The following DYDC2 variants were observed in gnomAD, a reference collection of about 807,000 sequenced individuals.
DYDC2 encodes the protein DPY30 domain containing 2.
A neutral mutation model predicts 18.7 loss-of-function variants in DYDC2; 19 were observed. The ratio of observed to expected loss-of-function variants is 1.02; its 90% confidence interval spans 0.71 to 1.49. DYDC2 has a LOEUF of 1.49. Ranked by LOEUF, DYDC2 falls within the 40% of genes most tolerant of loss-of-function variation. The probability of loss-of-function intolerance (pLI) is 0.00; values close to 1 mark genes in which losing one functional copy is unlikely to be tolerated. For synonymous variants in DYDC2, 63 were observed against 67.6 expected (o/e 0.93, Z 0.34); for missense variants, 179 against 205.1 (o/e 0.87, Z 0.78).
upstream of DYDC2, chr10:80,352,378 T>C: frequency 7.1e-7 from 1 of 1,406,680 alleles, no homozygotes; most frequent in Non-Finnish European, 9.3e-7. Context: ...AAAATAATAA[T>C]GTTAAACTTT....
chr10:80,358,634 A>G (rs546410769), intron 2 of DYDC2, among the ~76,000 whole-genome samples: 1 of 152,170 alleles, frequency 6.6e-6, no homozygotes, highest in Admixed American at 6.5e-5. Context: ...GGGGAAGGAC[A>G]GTTCTACAGT....
chr10:80,362,299 G>A, intron 2 of DYDC2, 136 bp from the exon 3 acceptor site: 1 of 1,252,364 alleles, frequency 8.0e-7, no homozygotes, highest in Non-Finnish European at 1.1e-6. Context: ...AGTGTTTGTT[G>A]GTTCTTTTGG....
At chr10:80,365,955 T>C (rs112183878) in intron 4 of DYDC2, among the ~76,000 whole-genome samples, 94 of 152,188 alleles carry the variant, frequency 6.2e-4, no homozygotes, top group African/African-American at 2.2e-3. Context: ...CTTGGATTTT[T>C]GAAAATATTT....
chr10:80,345,984 G>A (rs1047174500), intron 1 of DYDC2, among the ~76,000 whole-genome samples: 3 of 152,100 alleles, frequency 2.0e-5, no homozygotes, highest in Non-Finnish European at 4.4e-5. Flanking sequence ...TGGGACCACA[G>A]GTGCATGCCA....
At chr10:80,351,453 C>T (rs1253613459) in intron 1 of DYDC2, among the ~76,000 whole-genome samples, 1 of 151,248 alleles carries the variant, frequency 6.6e-6, no homozygotes, top group East Asian at 1.9e-4. Flanking sequence ...AAAGCATTGC[C>T]TACATTTTCC....
chr10:80,358,180 C>G (rs923926553), intron 2 of DYDC2, 135 bp downstream of exon 2: 1 of 519,634 alleles, frequency 1.9e-6, no homozygotes, highest in African/African-American at 2.1e-5. Context: ...GAATTCAAAA[C>G]CAGCCTGGCC....
At position 80,362,466 on chromosome 10, in the gene DYDC2, G is replaced by A. The variant is rs1169120789; in HGVS notation, c.23G>A (p.Arg8Lys). 9.9e-6 allele frequency: 16 copies of A among 1,613,916 alleles called. No individual in the cohort carries two copies. The highest frequency in any genetic ancestry group is 1.4e-5 in the Non-Finnish European group (16 of 1,179,930). Residue 8 changes from arginine to lysine, a missense_variant, in exon 3 of 5, where the codon AGG (arginine) becomes AAG (lysine). By Grantham distance (26) the Arg-to-Lys change is conservative. Coordinates refer to ENST00000256039, the MANE Select transcript of DYDC2 (RefSeq NM_032372.6). Reference sequence around the variant, plus strand: ...AGGATGGAAACTAACTACCTGAAGAGGTGCTTTGGAAATTGCCTGGCCCAG... The same window carrying A: ...AGGATGGAAACTAACTACCTGAAGAAGTGCTTTGGAAATTGCCTGGCCCAG... METNYLKRCFGNCLAQAL... is the reference protein window; with the variant it reads METNYLKKCFGNCLAQAL...
At chr10:80,354,486 C>CAAAAAA (rs1012219418), upstream of DYDC2, 1 of 69,288 alleles carries the variant, frequency 1.4e-5, no homozygotes, top group Non-Finnish European at 2.9e-5. Context: ...AACTTCGTCT[C>CAAAAAA]AAAAAAAAAA....
intron 2 of DYDC2, among the ~76,000 whole-genome samples, chr10:80,362,216 G>A (rs1843684052): frequency 1.3e-5 from 2 of 152,166 alleles, no homozygotes; most frequent in South Asian, 4.1e-4. Flanking sequence ...TCAGGAATAT[G>A]GACTCCGTCA....
chr10:80,357,999 TC>T lies in DYDC2; in HGVS notation c.-55del. 1 of 985,576 alleles carries T rather than the reference TC, an allele frequency of 1.0e-6. No individual in the cohort carries two copies. Among genetic ancestry groups the T allele is most frequent in the East Asian group, 1.1e-4 (1 of 8,814 alleles). The allele number at this position is 985,576 out of a possible 1,614,324, so 61.1% of individuals were successfully genotyped here. A position where few individuals can be genotyped will look rare whatever the true frequency, so the allele number is the denominator to read the frequency against. On this transcript the variant is annotated 5_prime_UTR_variant, in exon 2 of 5. Transcript: ENST00000256039. ...GTCCAGGAACTGTGTAAGCAGACCC[TC>T]AGAGGAGCTCTGGGAAACACTGAAA...
upstream of DYDC2, chr10:80,352,588 T>TA (rs1843066011): frequency 6.2e-7 from 1 of 1,604,058 alleles, no homozygotes; most frequent in South Asian, 1.1e-5. Flanking sequence ...CTTTTGAAGA[T>TA]ATATTGACTC....
intron 1 of DYDC2, among the ~76,000 whole-genome samples, chr10:80,348,413 T>C (rs1235637448): frequency 6.6e-6 from 1 of 152,252 alleles, no homozygotes; most frequent in Non-Finnish European, 1.5e-5. Context: ...ATCACTCATA[T>C]GTAAAACTTA....
chr10:80,352,540 A>G (rs768580230), upstream of DYDC2: 1 of 1,613,742 alleles, frequency 6.2e-7, no homozygotes, highest in South Asian at 1.1e-5. Flanking sequence ...AACTCTTGCC[A>G]CTTCTGCAAG....
intron 2 of DYDC2, among the ~76,000 whole-genome samples, chr10:80,360,763 C>CTTTTT (rs3038615): frequency 1.4e-5 from 2 of 139,694 alleles, no homozygotes. Flanking sequence ...TTCTTTCTTT[C>CTTTTT]TTTTTTTTTT....
upstream of DYDC2, chr10:80,351,870 A>T: frequency 6.2e-7 from 1 of 1,601,802 alleles, no homozygotes; most frequent in South Asian, 1.1e-5. Context: ...CGTTAATTCC[A>T]GTCCCCTCTG....
At chr10:80,352,737 G>A (rs1843079885), upstream of DYDC2, 11 of 1,174,814 alleles carry the variant, frequency 9.4e-6, no homozygotes, top group South Asian at 3.5e-4. Context: ...CTCCCATTGG[G>A]GGTGTCACAA....
chr10:80,357,871 A>AT, intron 1 of DYDC2, 22 bp from the exon 2 acceptor site: 1 of 985,512 alleles, frequency 1.0e-6, no homozygotes. Flanking sequence ...CTCTCAATGA[A>AT]TAAGTCAAGA....
chr10:80,356,399 G>A (rs1843369630), upstream of DYDC2: 14 of 985,498 alleles, frequency 1.4e-5, no homozygotes, highest in South Asian at 4.7e-5. Context: ...ACTGGGCGGG[G>A]GCACCCGGGC....
At chr10:80,366,587 T>C in intron 4 of DYDC2, 101 bp from the exon 5 acceptor site, 2 of 1,404,984 alleles carry the variant, frequency 1.4e-6, no homozygotes, top group Non-Finnish European at 1.9e-6. Context: ...AGTTTGGTTC[T>C]TAGTCTCTGG....
Sources: gnomAD v4.1 joint callset for allele counts (sites outside exome capture counted in the v4.1 genomes callset) on GRCh38, gnomAD v4.1.1 for gene constraint, MANE v1.5 for transcripts, NCBI Gene and HGNC (gene_info 2026-07-23, HGNC 2026-07-21) for gene names.